Variants in CDK14 observed in about 807,000 individuals in gnomAD.
The protein encoded by CDK14 is cyclin-dependent kinase 14.
CDK14 carries 34 observed loss-of-function variants against 60.7 expected under a neutral mutation model. That is an observed-to-expected ratio of 0.56 (90% CI 0.43 to 0.75). CDK14 has a LOEUF of 0.75. Ranked by LOEUF, CDK14 falls within the 30% of genes least tolerant of loss-of-function variation. CDK14 has a pLI of 0.00. For synonymous variants in CDK14, 197 were observed against 203.7 expected, an observed-to-expected ratio of 0.97 and a Z score of 0.28; for missense variants, 482 against 564.1, an observed-to-expected ratio of 0.85 and a Z score of 1.47.
chr7:90,784,320 CAGAT>C (rs373844677), intron 4 of CDK14, among the ~76,000 whole-genome samples: 54 of 152,142 alleles, frequency 3.5e-4, no homozygotes, highest in Admixed American at 1.4e-3. Flanking sequence ...CACAAAAACA[CAGAT>C]AGAAGGAATA....
intron 7 of CDK14, among the ~76,000 whole-genome samples, chr7:90,910,830 T>C (rs1349353458): frequency 1.3e-5 from 2 of 152,166 alleles, no homozygotes; most frequent in Admixed American, 1.3e-4. Context: ...GTTTGTTGCA[T>C]AGGTAAAGGC....
intron 9 of CDK14, among the ~76,000 whole-genome samples, chr7:90,982,637 T>G (rs1795260674): frequency 6.6e-6 from 1 of 152,180 alleles, no homozygotes; most frequent in South Asian, 2.1e-4. Context: ...GAACATGACT[T>G]GAGGACTCTT....
intron 3 of CDK14, among the ~76,000 whole-genome samples, chr7:90,740,304 G>A (rs1008984398): frequency 1.1e-4 from 16 of 151,630 alleles, no homozygotes; most frequent in Non-Finnish European, 2.1e-4. Context: ...GAAAGAAAGA[G>A]AAAGAGTGTG....
chr7:90,650,348 C>A (rs1800604449), intron 2 of CDK14, among the ~76,000 whole-genome samples: 1 of 149,620 alleles, frequency 6.7e-6, no homozygotes, highest in Admixed American at 6.7e-5. Flanking sequence ...TTTGTAGATT[C>A]TGGATATTAG....
rs199596018 is a variant in CDK14, at chr7:90,922,759, CT to C, written c.826+5040del. Among the ~76,000 whole-genome samples the C allele has an allele frequency of 5.3e-3, 804 of 152,142 alleles. 8 individuals carry two copies. The highest frequency in any genetic ancestry group is 0.018 in the African/African-American group (757 of 41,504). ...ATAATGACATCTAATTATATTGGAT[CT>C]TTTTGTTTTATGTTATCACAACATA... On this transcript the variant is annotated intron_variant, in intron 8 of 14. Transcript: ENST00000380050.
chr7:91,133,051 A>T (rs1394705732), intron 14 of CDK14, among the ~76,000 whole-genome samples: 2 of 152,190 alleles, frequency 1.3e-5, no homozygotes, highest in African/African-American at 2.4e-5. Context: ...ATATATTAAG[A>T]TACATTGGTA....
intron 8 of CDK14, among the ~76,000 whole-genome samples, chr7:90,917,951 A>G (rs1793131713): frequency 6.6e-6 from 1 of 152,180 alleles, no homozygotes; most frequent in Non-Finnish European, 1.5e-5. Context: ...AATAATAAAC[A>G]TAAATCAGAT....
chr7:90,730,414 C>A (rs891714963), intron 3 of CDK14, among the ~76,000 whole-genome samples: 1 of 152,108 alleles, frequency 6.6e-6, no homozygotes, highest in African/African-American at 2.4e-5. Context: ...AGTTCTAGAT[C>A]CTTGAGGAAT....
chr7:91,019,879 A>T (rs746008282), intron 10 of CDK14, among the ~76,000 whole-genome samples: 9 of 152,156 alleles, frequency 5.9e-5, no homozygotes, highest in Non-Finnish European at 5.9e-5. Context: ...TTCCTATTCC[A>T]TGACCATGCT....
chr7:90,637,825 G>C (rs554798622), intron 2 of CDK14, among the ~76,000 whole-genome samples: 1 of 144,842 alleles, frequency 6.9e-6, no homozygotes, highest in East Asian at 2.1e-4. Flanking sequence ...CTCCTGTATT[G>C]GGTGCATATA....
At chr7:91,041,962 G>A (rs891103172) in intron 10 of CDK14, among the ~76,000 whole-genome samples, 3 of 152,184 alleles carry the variant, frequency 2.0e-5, no homozygotes, top group African/African-American at 7.2e-5. Flanking sequence ...ACCACAATGC[G>A]TAGACAGATG....
chr7:90,634,043 A>C (rs962154181), intron 2 of CDK14, among the ~76,000 whole-genome samples: 1 of 152,234 alleles, frequency 6.6e-6, no homozygotes, highest in Non-Finnish European at 1.5e-5. Context: ...CTGTTTATAG[A>C]GCAAAAGAAA....
intron 10 of CDK14, among the ~76,000 whole-genome samples, chr7:91,029,932 A>G (rs1439099222): frequency 6.6e-6 from 1 of 152,192 alleles, no homozygotes; most frequent in African/African-American, 2.4e-5. Context: ...TGCTCTGGCT[A>G]GGATTTCCAG....
chr7:90,640,297 A>G (rs532761681), intron 2 of CDK14, among the ~76,000 whole-genome samples: 11 of 152,232 alleles, frequency 7.2e-5, no homozygotes, highest in East Asian at 1.9e-4. Flanking sequence ...AATAACTATC[A>G]CAGTAAACAC....
intron 14 of CDK14, among the ~76,000 whole-genome samples, chr7:91,150,059 A>G (rs1800787221): frequency 6.6e-6 from 1 of 152,136 alleles, no homozygotes; most frequent in African/African-American, 2.4e-5. Flanking sequence ...TCCAAGTGTG[A>G]GGGGAATTGT....
intron 12 of CDK14, among the ~76,000 whole-genome samples, chr7:91,109,940 C>T (rs1411555806): frequency 1.3e-5 from 2 of 151,782 alleles, no homozygotes; most frequent in East Asian, 3.9e-4. Context: ...ATTTAATTAC[C>T]CAGCCTTATA....
chr7:90,781,048 A>T (rs1231537696), intron 4 of CDK14, among the ~76,000 whole-genome samples: 2 of 151,944 alleles, frequency 1.3e-5, no homozygotes. Context: ...ATTTCCCCAC[A>T]TCCTCTCCAG....
intron 14 of CDK14, among the ~76,000 whole-genome samples, chr7:91,141,912 GC>G (rs1339799384): frequency 6.6e-6 from 1 of 151,856 alleles, no homozygotes; most frequent in African/African-American, 2.4e-5. Context: ...TGCAAGCTCC[GC>G]CTCCTGGGTT....
At chr7:90,765,142 C>T (rs1804501560) in intron 4 of CDK14, among the ~76,000 whole-genome samples, 1 of 152,108 alleles carries the variant, frequency 6.6e-6, no homozygotes, top group African/African-American at 2.4e-5. Context: ...TATTGAGAAA[C>T]CAAACAAGTA....
Sources: allele counts gnomAD v4.1 joint callset (sites outside exome capture counted in the v4.1 genomes callset), GRCh38; gene constraint gnomAD v4.1.1; transcripts MANE v1.5; gene names NCBI Gene and HGNC (gene_info 2026-07-23, HGNC 2026-07-21).